CCSER2: variants seen among roughly 807,000 people sequenced by gnomAD.
CCSER2 encodes serine-rich coiled-coil domain-containing protein 2.
In CCSER2, 46 loss-of-function variants were observed where a neutral mutation model predicts 92.3. That is an observed-to-expected ratio of 0.50 (90% CI 0.39 to 0.64). The LOEUF is 0.64. Among genes scored for constraint, CCSER2 ranks in the 30% least tolerant of loss-of-function variants. The probability of loss-of-function intolerance (pLI) is 0.00; values close to 1 mark genes in which losing one functional copy is unlikely to be tolerated. For synonymous variants in CCSER2, 433 were observed against 431.4 expected, an observed-to-expected ratio of 1.00 and a Z score of -0.04; for missense variants, 1,244 against 1,238.9, an observed-to-expected ratio of 1.00 and a Z score of -0.06.
chr10:84,358,628 A>G (rs1024130772), intron 1 of CCSER2, among the ~76,000 whole-genome samples: 1 of 148,892 alleles, frequency 6.7e-6, no homozygotes, highest in African/African-American at 2.5e-5. Context: ...CTATCTAAAT[A>G]TATATATATG....
At chr10:84,491,018 T>G (rs931126105) in intron 9 of CCSER2, among the ~76,000 whole-genome samples, 3 of 152,250 alleles carry the variant, frequency 2.0e-5, no homozygotes, top group Admixed American at 1.3e-4. Flanking sequence ...CAGACCCTGT[T>G]TGCCTGGGTA....
At chr10:84,353,093 A>G (rs1295486822) in intron 1 of CCSER2, among the ~76,000 whole-genome samples, 1 of 152,182 alleles carries the variant, frequency 6.6e-6, no homozygotes, top group Non-Finnish European at 1.5e-5. Context: ...CGCCCAGCCT[A>G]AGATACAATT....
At chr10:84,437,444 G>A (rs1208139209) in intron 5 of CCSER2, among the ~76,000 whole-genome samples, 1 of 151,866 alleles carries the variant, frequency 6.6e-6, no homozygotes, top group African/African-American at 2.4e-5. Context: ...AACTCCGGAG[G>A]CAGAGGTTAC....
chr10:84,466,491 T>C (rs1846437988), intron 7 of CCSER2, among the ~76,000 whole-genome samples: 1 of 149,090 alleles, frequency 6.7e-6, no homozygotes, highest in South Asian at 2.1e-4. Flanking sequence ...TCTTGCTTTC[T>C]TTTTTTTGTT....
chr10:84,390,870 A>G (rs1247535643), intron 3 of CCSER2: 1 of 633,476 alleles, frequency 1.6e-6, no homozygotes, highest in Non-Finnish European at 2.9e-6. Context: ...CACAGTATAA[A>G]TATTCTAAGA....
At chr10:84,470,578 T>C in intron 8 of CCSER2, 120 bp downstream of exon 8, 1 of 759,664 alleles carries the variant, frequency 1.3e-6, no homozygotes, top group Non-Finnish European at 1.8e-6. Context: ...TGCACTTTTA[T>C]ATTATTTTTA....
intron 9 of CCSER2, among the ~76,000 whole-genome samples, chr10:84,494,002 C>T (rs535750527): frequency 2.6e-5 from 4 of 152,270 alleles, no homozygotes; most frequent in African/African-American, 7.2e-5. Context: ...GTGCAGTTCA[C>T]AATAAAGTTC....
At chr10:84,370,914 G>A in intron 1 of CCSER2, 100 bp from the exon 2 acceptor site, 1 of 524,440 alleles carries the variant, frequency 1.9e-6, no homozygotes, top group Non-Finnish European at 3.1e-6. Context: ...TAGCTTTTGG[G>A]TTTTTCTGCG....
At chr10:84,416,234 C>A (rs986450022) in intron 3 of CCSER2, among the ~76,000 whole-genome samples, 1 of 152,128 alleles carries the variant, frequency 6.6e-6, no homozygotes, top group African/African-American at 2.4e-5. Context: ...TGTTGCCCCA[C>A]CCTGCTTTTC....
At chr10:84,453,574 G>T (rs1325701718) in intron 6 of CCSER2, among the ~76,000 whole-genome samples, 1 of 152,140 alleles carries the variant, frequency 6.6e-6, no homozygotes, top group Non-Finnish European at 1.5e-5. Context: ...TGTATCTTAG[G>T]TAGCAGTATG....
At chr10:84,450,599 C>T (rs1052369459) in intron 6 of CCSER2, among the ~76,000 whole-genome samples, 11 of 152,000 alleles carry the variant, frequency 7.2e-5, no homozygotes, top group South Asian at 2.1e-4. Flanking sequence ...GCTGGGACTT[C>T]AGTAGTAAAT....
intron 3 of CCSER2, among the ~76,000 whole-genome samples, chr10:84,387,817 C>T (rs370178638): frequency 1.0e-3 from 152 of 150,380 alleles, no homozygotes; most frequent in African/African-American, 3.5e-3. Context: ...TGTGAGCCAC[C>T]GCGCCCGGCC....
chr10:84,388,399 G>T (rs1841342610), intron 3 of CCSER2, among the ~76,000 whole-genome samples: 2 of 152,032 alleles, frequency 1.3e-5, no homozygotes, highest in Non-Finnish European at 2.9e-5. Flanking sequence ...TTTCTACTGA[G>T]GCCACTGTAG....
At chr10:84,366,671 CAAAT>C (rs1845791307) in intron 1 of CCSER2, among the ~76,000 whole-genome samples, 1 of 152,170 alleles carries the variant, frequency 6.6e-6, no homozygotes, top group Non-Finnish European at 1.5e-5. Flanking sequence ...TGGGCAATGA[CAAAT>C]AACGTATCTT....
intron 1 of CCSER2, among the ~76,000 whole-genome samples, chr10:84,343,965 A>G (rs1304800178): frequency 6.6e-6 from 1 of 152,232 alleles, no homozygotes; most frequent in Non-Finnish European, 1.5e-5. Flanking sequence ...TTTAATTGTC[A>G]GTTAATACCC....
At chr10:84,394,612 G>A (rs1841724150) in intron 3 of CCSER2, among the ~76,000 whole-genome samples, 1 of 152,068 alleles carries the variant, frequency 6.6e-6, no homozygotes, top group Admixed American at 6.6e-5. Flanking sequence ...GCTGAGTATA[G>A]GGTATGGGGT....
At chr10:84,331,584 TTGTC>T (rs1843565298) in intron 1 of CCSER2, among the ~76,000 whole-genome samples, 1 of 152,212 alleles carries the variant, frequency 6.6e-6, no homozygotes, top group Non-Finnish European at 1.5e-5. Context: ...CTTGTGTGGC[TTGTC>T]TGTGAGAGGA....
At position 84,431,383 on chromosome 10, in the gene CCSER2, G is replaced by A. The variant is rs115001552; in HGVS notation, c.1868+5490G>A. On this transcript the variant is annotated intron_variant, in intron 5 of 9. Coordinates refer to ENST00000372088, the MANE Select transcript of CCSER2 (RefSeq NM_001284240.2). ...AGATAGTAGATAGTCTTTTCAGATT[G>A]GCTTCTTTCACTTACCAAAATACAT... is the stretch of plus-strand genomic sequence containing the variant. Among the ~76,000 whole-genome samples the A allele has an allele frequency of 2.2e-3, 342 of 152,030 alleles. 3 individuals carry two copies. The highest frequency in any genetic ancestry group is 7.9e-3 in the African/African-American group (329 of 41,438).
chr10:84,459,672 C>G (rs534837983), intron 6 of CCSER2, among the ~76,000 whole-genome samples: 5 of 151,924 alleles, frequency 3.3e-5, no homozygotes, highest in Non-Finnish European at 5.9e-5. Context: ...ACAGGTGCAT[C>G]CCACCACACC....
Sources: gnomAD v4.1 joint callset for allele counts (sites outside exome capture counted in the v4.1 genomes callset) on GRCh38, gnomAD v4.1.1 for gene constraint, MANE v1.5 for transcripts, NCBI Gene and HGNC (gene_info 2026-07-23, HGNC 2026-07-21) for gene names.